ITPKB: variants seen among roughly 807,000 people sequenced by gnomAD.
ITPKB encodes the protein inositol-trisphosphate 3-kinase B.
ITPKB carries 13 observed loss-of-function variants against 69.4 expected under a neutral mutation model. The observed-to-expected ratio is 0.19, with a 90% confidence interval of 0.12 to 0.30. The LOEUF (loss-of-function observed/expected upper bound fraction) is 0.30, where lower values mean the gene tolerates loss of function less well. ITPKB is among the 10% of genes least tolerant of loss of function. The pLI is 1.00. For missense variants in ITPKB, 1,240 were observed against 1,250.5 expected (o/e 0.99, Z 0.13); for synonymous variants, 584 against 513.7 (o/e 1.14, Z -1.85).
At chr1:226,643,540 C>G (rs534116264) in intron 4 of ITPKB, among the ~76,000 whole-genome samples, 1 of 152,214 alleles carries the variant, frequency 6.6e-6, no homozygotes, top group East Asian at 1.9e-4. Flanking sequence ...GGCCTTGTTC[C>G]AACACTGCCC....
chr1:226,644,446 C>T (rs1235649345), intron 4 of ITPKB, among the ~76,000 whole-genome samples: 2 of 152,204 alleles, frequency 1.3e-5, no homozygotes, highest in Admixed American at 6.5e-5. Context: ...AGGTGGCAGG[C>T]GAAAGCCACC....
At chr1:226,692,478 G>T (rs1413415330) in intron 2 of ITPKB, among the ~76,000 whole-genome samples, 1 of 152,168 alleles carries the variant, frequency 6.6e-6, no homozygotes, top group African/African-American at 2.4e-5. Flanking sequence ...TTTTAAGGGG[G>T]TAAACTTCTA....
At chr1:226,668,052 G>A (rs1387145596) in intron 2 of ITPKB, among the ~76,000 whole-genome samples, 1 of 152,170 alleles carries the variant, frequency 6.6e-6, no homozygotes, top group Non-Finnish European at 1.5e-5. Context: ...AAAATTGTCT[G>A]TAAGGAATTT....
chr1:226,657,920 T>TG (rs547112865), intron 2 of ITPKB, among the ~76,000 whole-genome samples: 1 of 152,236 alleles, frequency 6.6e-6, no homozygotes, highest in African/African-American at 2.4e-5. Context: ...ACCTTTCAGA[T>TG]GGGGGAGGCC....
In ITPKB at chr1:226,738,105, G is replaced by A. The variant is rs533515856; in HGVS notation, c.-205-442C>T. 1.4e-4 allele frequency among the ~76,000 whole-genome samples: 22 copies of A among 152,218 alleles called. No homozygotes were observed. In the South Asian group the frequency reaches 4.6e-3, roughly 32 times the overall value. ...TATCCAGGGCAACCCGGCAGCCCTC[G>A]CCCTGGGCTTCAGGGTCTCCCTGCT... is the stretch of plus-strand genomic sequence containing the variant. On this transcript the variant is annotated intron_variant, in intron 1 of 7. Transcript: ENST00000429204. The surrounding 1 kb of genome is among the most constrained non-coding windows in gnomAD (Gnocchi z 4.2).
chr1:226,717,419 T>C (rs1407553900), intron 2 of ITPKB, among the ~76,000 whole-genome samples: 1 of 152,100 alleles, frequency 6.6e-6, no homozygotes, highest in Non-Finnish European at 1.5e-5. Context: ...AGCATGACTA[T>C]GTTGCAAAAC....
chr1:226,737,635 C>G lies in ITPKB; in HGVS notation c.-177G>C. 1.1e-5 allele frequency: 12 copies of G among 1,112,198 alleles called. No individual in the cohort carries two copies. Among genetic ancestry groups the G allele is most frequent in the Non-Finnish European group, 1.3e-5 (12 of 911,276 alleles). 68.9% of individuals were successfully genotyped at this position (1,112,198 alleles called of 1,614,324 possible). ...GGGGCACGACCGCGGGCTCAGCCCCCGCCCAAAGCTCCATAAACAACCGTG... is the reference window on the plus strand; with the variant it reads ...GGGGCACGACCGCGGGCTCAGCCCCGGCCCAAAGCTCCATAAACAACCGTG... On this transcript the variant is annotated 5_prime_UTR_variant, in exon 2 of 8. Transcript: ENST00000429204.
chr1:226,677,572 C>A (rs1350196437), intron 2 of ITPKB, among the ~76,000 whole-genome samples: 2 of 152,228 alleles, frequency 1.3e-5, no homozygotes, highest in Non-Finnish European at 2.9e-5. Flanking sequence ...GAGGTACTCC[C>A]TCTTCCCCTT....
intron 2 of ITPKB, among the ~76,000 whole-genome samples, chr1:226,677,696 G>A (rs991834431): frequency 2.6e-5 from 4 of 152,246 alleles, no homozygotes; most frequent in Non-Finnish European, 5.9e-5. Context: ...GAAAGGTGGA[G>A]AATTTCTCTT....
At chr1:226,729,722 G>C (rs1242411413) in intron 2 of ITPKB, among the ~76,000 whole-genome samples, 2 of 151,808 alleles carry the variant, frequency 1.3e-5, no homozygotes, top group Non-Finnish European at 2.9e-5. Context: ...GGGATTACAG[G>C]TGTGTGCCAC....
At chr1:226,653,613 T>C (rs1371949060) in intron 2 of ITPKB, among the ~76,000 whole-genome samples, 1 of 152,178 alleles carries the variant, frequency 6.6e-6, no homozygotes, top group Non-Finnish European at 1.5e-5. Flanking sequence ...ACTTCTAGAC[T>C]CCGGATGGAG....
intron 2 of ITPKB, among the ~76,000 whole-genome samples, chr1:226,730,401 G>A (rs1657555799): frequency 6.6e-6 from 1 of 152,142 alleles, no homozygotes; most frequent in South Asian, 2.1e-4. Flanking sequence ...TGTGACTTTT[G>A]TTAACAATGA....
intron 2 of ITPKB, among the ~76,000 whole-genome samples, chr1:226,694,967 C>T (rs1362990118): frequency 1.3e-5 from 2 of 152,262 alleles, no homozygotes; most frequent in South Asian, 2.1e-4. Flanking sequence ...CCGTGGCTCA[C>T]GCCTGTAATC....
chr1:226,712,074 G>T (rs780477286), intron 2 of ITPKB, among the ~76,000 whole-genome samples: 54 of 152,312 alleles, frequency 3.5e-4, no homozygotes, highest in African/African-American at 1.2e-3. Context: ...ACAGTAAGCC[G>T]CGAGGGTGGA....
In ITPKB at chr1:226,684,605, CA is replaced by C. The variant is rs537204018; in HGVS notation, c.1933-35835del. On this transcript the variant is annotated intron_variant, in intron 2 of 7. Coordinates refer to ENST00000429204, the MANE Select transcript of ITPKB (RefSeq NM_002221.4). ...CTTCTCAGGCACAGGGTCCTTTCCA[CA>C]ATAGAGAACACTGGTGAACCAGCTC... 2.1e-3 allele frequency among the ~76,000 whole-genome samples: 320 copies of C among 152,234 alleles called. 1 individual carries two copies. The highest frequency in any genetic ancestry group is 3.4e-3 in the Non-Finnish European group (232 of 68,006).
Position 226,720,148 on chromosome 1 carries a change from T to C in ITPKB, c.1932+15379A>G, listed in dbSNP as rs12134652. Among the ~76,000 whole-genome samples the C allele has an allele frequency of 7.6e-3, 1,162 of 152,376 alleles. 5 individuals carry two copies. The highest frequency in any genetic ancestry group is 0.014 in the Non-Finnish European group (945 of 68,042). On this transcript the variant is annotated intron_variant, in intron 2 of 7. Coordinates refer to ENST00000429204, the MANE Select transcript of ITPKB (RefSeq NM_002221.4). ...TATAAGGAAAAGAATCCACTCTTAG[T>C]TCCACCTCCTCAAGTAGAAAATTTT...
Position 226,737,630 on chromosome 1 carries a change from GC to G in ITPKB, c.-173del. The G allele has an allele frequency of 8.9e-7, 1 of 1,119,990 alleles. No individual in the cohort carries two copies. The highest frequency in any genetic ancestry group is 1.1e-6 in the Non-Finnish European group (1 of 917,256). 69.4% of individuals were successfully genotyped at this position (1,119,990 alleles called of 1,614,324 possible). ...GGCTGGGGGCACGACCGCGGGCTCAGCCCCCGCCCAAAGCTCCATAAACAAC... is the reference window on the plus strand; with the variant it reads ...GGCTGGGGGCACGACCGCGGGCTCAGCCCCGCCCAAAGCTCCATAAACAAC... On this transcript the variant is annotated 5_prime_UTR_variant, in exon 2 of 8. The change creates a premature stop within an existing upstream ORF in the 5' untranslated region. Transcript: ENST00000429204.
At chr1:226,730,754 A>T (rs1406988881) in intron 2 of ITPKB, among the ~76,000 whole-genome samples, 3 of 152,222 alleles carry the variant, frequency 2.0e-5, no homozygotes, top group African/African-American at 7.2e-5. Context: ...ATAAGCCTAA[A>T]CAATGTTGTC....
Position 226,736,522 on chromosome 1 carries a change from T to A in ITPKB, c.937A>T (p.Thr313Ser). The change falls in exon 2 of 8, where the codon ACT becomes TCT. Residue 313 changes from threonine to serine, a missense_variant. Physicochemically the swap from Thr to Ser is moderately conservative, Grantham distance 58 (BLOSUM62 1). Around this residue, in one of 2 missense-constraint regions of ITPKB, gnomAD observed 992 missense variants for 853.8 expected, o/e 1.16. Transcript: ENST00000429204. ...ATEVAARVTSTGPHRPQDLAL... is the reference protein window; with the variant it reads ...ATEVAARVTSSGPHRPQDLAL... ...AGATCCTGTGGACGGTGTGGCCCAG[T>A]GGATGTAACTCTCGCTGCCACTTCC... The A allele has an allele frequency of 6.2e-7, 1 of 1,613,906 alleles. No homozygotes were observed. The highest frequency in any genetic ancestry group is 1.6e-4 in the Middle Eastern group (1 of 6,062).
Sources: gnomAD v4.1 joint callset for allele counts (sites outside exome capture counted in the v4.1 genomes callset) on GRCh38, gnomAD v4.1.1 for gene constraint, gnomAD v4.1.1 regional missense constraint, Gnocchi (gnomAD v3.1) non-coding constraint, MANE v1.5 for transcripts, NCBI Gene and HGNC (gene_info 2026-07-23, HGNC 2026-07-21) for gene names.